Variants in NCAM2 observed in about 807,000 individuals in gnomAD.
NCAM2 encodes neural cell adhesion molecule 2.
In NCAM2, 30 loss-of-function variants were observed where a neutral mutation model predicts 98.1. The observed-to-expected ratio is 0.31, with a 90% CI of 0.23 to 0.41. NCAM2 has a LOEUF of 0.41. Ranked by LOEUF, NCAM2 falls within the 10% of genes least tolerant of loss-of-function variation. NCAM2 has a pLI of 1.00. For missense variants in NCAM2, 867 were observed against 1,005.8 expected, an observed-to-expected ratio of 0.86 and a Z score of 1.87; for synonymous variants, 368 against 342.4, an observed-to-expected ratio of 1.07 and a Z score of -0.83.
chr21:21,416,046 T>G (rs2076988396), intron 10 of NCAM2, among the ~76,000 whole-genome samples: 1 of 152,196 alleles, frequency 6.6e-6, no homozygotes, highest in Non-Finnish European at 1.5e-5. Context: ...CTATCTTGGT[T>G]TTGTCATGCC....
chr21:21,342,502 A>T (rs2075069943), intron 8 of NCAM2, among the ~76,000 whole-genome samples: 1 of 152,164 alleles, frequency 6.6e-6, no homozygotes, highest in African/African-American at 2.4e-5. Context: ...CATCTATATG[A>T]AGCCTCTCCA....
At chr21:21,041,821 G>T (rs2064911392) in intron 1 of NCAM2, among the ~76,000 whole-genome samples, 1 of 152,132 alleles carries the variant, frequency 6.6e-6, no homozygotes, top group South Asian at 2.1e-4. Flanking sequence ...GGGGATAGAT[G>T]ATTATTCTGA....
chr21:21,541,099 T>C lies in NCAM2; in HGVS notation c.*3142T>C, dbSNP rs1204010780. ...GATCTTAGTCTTTGAATTAAATATT[T>C]ATATAAATAGATTTTATTAATCAAA... is the stretch of plus-strand genomic sequence containing the variant. On this transcript the variant is annotated 3_prime_UTR_variant, in exon 18 of 18. Transcript: ENST00000400546. The C allele has an allele frequency of 2.0e-5, 3 of 151,022 alleles. No individual in the cohort carries two copies. The highest frequency in any genetic ancestry group is 4.8e-5 in the African/African-American group (2 of 41,374). The allele number at this position is 151,022 out of a possible 1,614,324, so 9.4% of individuals were successfully genotyped here.
intron 5 of NCAM2, among the ~76,000 whole-genome samples, chr21:21,320,107 G>C (rs1298869197): frequency 6.6e-6 from 1 of 152,158 alleles, no homozygotes; most frequent in Non-Finnish European, 1.5e-5. Flanking sequence ...CCTTATGGCA[G>C]TTAGGTCACG....
chr21:21,310,447 AAG>A (rs2074009862), intron 5 of NCAM2, among the ~76,000 whole-genome samples: 2 of 152,174 alleles, frequency 1.3e-5, no homozygotes, highest in East Asian at 3.9e-4. Flanking sequence ...GATTTAAAGA[AAG>A]AGAAGAGTCT....
At chr21:21,006,179 A>T (rs752626752) in intron 1 of NCAM2, among the ~76,000 whole-genome samples, 2 of 152,126 alleles carry the variant, frequency 1.3e-5, no homozygotes, top group African/African-American at 2.4e-5. Context: ...ACCATTGATA[A>T]ACCAGGGGAT....
intron 1 of NCAM2, among the ~76,000 whole-genome samples, chr21:21,082,309 C>G (rs374726339): frequency 1.4e-5 from 2 of 140,548 alleles, no homozygotes; most frequent in South Asian, 2.3e-4. Flanking sequence ...ACAAAAACAC[C>G]TTATTGATTG....
chr21:21,359,312 A>G (rs191117624), intron 8 of NCAM2, among the ~76,000 whole-genome samples: 60 of 152,046 alleles, frequency 3.9e-4, no homozygotes, highest in Admixed American at 2.9e-3. Context: ...GCCTGTTAGA[A>G]ATCTTCCTTG....
chr21:21,241,644 A>C (rs1244500434), intron 1 of NCAM2, among the ~76,000 whole-genome samples: 1 of 152,094 alleles, frequency 6.6e-6, no homozygotes, highest in Non-Finnish European at 1.5e-5. Flanking sequence ...CATTCATGTG[A>C]AGGAACTGCC....
In NCAM2 at chr21:21,025,150, A is replaced by C. The variant is rs1387948581; in HGVS notation, c.55+26532A>C. 3.3e-5 allele frequency among the ~76,000 whole-genome samples: 5 copies of C among 151,778 alleles called. No individual in the cohort carries two copies. The East Asian group carries it at 9.8e-4, about 30-fold the overall frequency. On this transcript the variant is annotated intron_variant, in intron 1 of 17. Coordinates refer to ENST00000400546, the MANE Select transcript of NCAM2 (RefSeq NM_004540.5). The stretch of plus-strand genomic sequence containing the variant: ...GCCCAGGCTGGAGTGCAGTGGTGCA[A>C]TCTCGGCTCACTGCAAGCTCCGCCT...
chr21:21,284,348 A>G lies in NCAM2; in HGVS notation c.285A>G (p.Ala95=). ...IEDAGIYRCQ[A]TDAKGQTQEA... ...ATGCAGGGATATATCGTTGTCAAGCAACAGATGCCAAAGGACAAACACAAG... is the reference window on the plus strand; with the variant it reads ...ATGCAGGGATATATCGTTGTCAAGCGACAGATGCCAAAGGACAAACACAAG... The change falls in exon 3 of 18, where the codon GCA becomes GCG. Residue 95 remains alanine, a synonymous_variant. Transcript: ENST00000400546. 1 of 1,612,944 alleles carries G rather than the reference A, an allele frequency of 6.2e-7. No individual in the cohort carries two copies.
intron 1 of NCAM2, among the ~76,000 whole-genome samples, chr21:21,230,673 A>T (rs1307987921): frequency 6.6e-6 from 1 of 151,390 alleles, no homozygotes; most frequent in Non-Finnish European, 1.5e-5. Context: ...ATCTGTTTTT[A>T]AGCATTGTGT....
chr21:21,406,069 T>C (rs1211245494), intron 9 of NCAM2, among the ~76,000 whole-genome samples: 2 of 152,292 alleles, frequency 1.3e-5, no homozygotes, highest in Admixed American at 6.5e-5. Flanking sequence ...AAACACCTTC[T>C]TGGGGTTACC....
intron 12 of NCAM2, among the ~76,000 whole-genome samples, chr21:21,452,959 ATATATTATATAT>A (rs1569079528): frequency 2.8e-5 from 1 of 35,312 alleles, no homozygotes; most frequent in Non-Finnish European, 5.7e-5. Flanking sequence ...ACTATATATT[ATATATTATATAT>A]TATTATATAT....
intron 5 of NCAM2, among the ~76,000 whole-genome samples, chr21:21,299,439 G>A (rs2073625837): frequency 6.6e-6 from 1 of 151,752 alleles, no homozygotes; most frequent in Non-Finnish European, 1.5e-5. Flanking sequence ...TAACCACTCA[G>A]TTATAAGTAA....
At chr21:21,010,885 G>A (rs1408725681) in intron 1 of NCAM2, among the ~76,000 whole-genome samples, 1 of 152,108 alleles carries the variant, frequency 6.6e-6, no homozygotes, top group Admixed American at 6.6e-5. Flanking sequence ...ATGATAAAGG[G>A]AAGTGAATAC....
At chr21:21,441,690 G>A (rs1979295529) in intron 12 of NCAM2, among the ~76,000 whole-genome samples, 1 of 152,124 alleles carries the variant, frequency 6.6e-6, no homozygotes, top group Non-Finnish European at 1.5e-5. Flanking sequence ...AGGTTTTATT[G>A]GCAAAGTGAT....
chr21:21,158,348 C>G (rs1052189899), intron 1 of NCAM2, among the ~76,000 whole-genome samples: 4 of 152,130 alleles, frequency 2.6e-5, no homozygotes, highest in African/African-American at 9.7e-5. Flanking sequence ...CGCAGTGGCT[C>G]AGGCCTGTAA....
At chr21:21,379,879 C>G (rs1201469977) in intron 9 of NCAM2, among the ~76,000 whole-genome samples, 1 of 151,950 alleles carries the variant, frequency 6.6e-6, no homozygotes, top group Non-Finnish European at 1.5e-5. Flanking sequence ...CCACAATAAG[C>G]CATCTGCAGC....
Sources: gnomAD v4.1 joint callset for allele counts (sites outside exome capture counted in the v4.1 genomes callset) on GRCh38, gnomAD v4.1.1 for gene constraint, MANE v1.5 for transcripts, NCBI Gene and HGNC (gene_info 2026-07-23, HGNC 2026-07-21) for gene names.